Variants in SYTL4 observed in about 807,000 individuals in gnomAD.
SYTL4 encodes synaptotagmin-like protein 4.
SYTL4 carries 16 observed loss-of-function variants against 52.7 expected under a neutral mutation model. The ratio of observed to expected loss-of-function variants is 0.30; its 90% confidence interval spans 0.21 to 0.46. SYTL4 has a LOEUF of 0.46. SYTL4 is among the 20% of genes least tolerant of loss of function. The probability of loss-of-function intolerance (pLI) is 1.00; values close to 1 mark genes in which losing one functional copy is unlikely to be tolerated. For synonymous variants in SYTL4, 160 were observed against 186.6 expected (o/e 0.86, Z 1.16); for missense variants, 423 against 519.9 (o/e 0.81, Z 1.81).
rs766766031 is a variant in SYTL4 at position 100,696,130 on chromosome X, A to G, written c.539+4767T>C. On this transcript the variant is annotated intron_variant, in intron 8 of 19. Coordinates refer to ENST00000372989, the MANE Select transcript of SYTL4 (RefSeq NM_001370165.1). ...TATTTCCAGGGTTGGGCTATTACAA[A>G]TAAAGCTGCTATGAACATTCACGTA... Among the ~76,000 whole-genome samples, 3 of 112,233 alleles carry G rather than the reference A, an allele frequency of 2.7e-5. No homozygotes were observed. The Admixed American group carries it at 2.8e-4, about 11-fold the overall frequency.
At chrX:100,698,193 C>T (rs1403427626) in intron 8 of SYTL4, among the ~76,000 whole-genome samples, 1 of 110,487 alleles carries the variant, frequency 9.1e-6, no homozygotes, top group Admixed American at 9.6e-5. Flanking sequence ...AGCTCCGCCT[C>T]CCGGGTTCAC....
Position 100,687,096 on chromosome X carries a change from A to G in SYTL4, c.1155T>C (p.Tyr385=). The part of the protein sequence containing the change: ...VHVKECHQLA[Y]ADEAKKRSNP... ...TAGAGCGCTTCTTGGCTTCATCAGC[A>G]TAGGCCAGCTGATGGCACTCCTTCA... The change falls in exon 14 of 20, where the codon TAT becomes TAC. Residue 385 remains tyrosine, a synonymous_variant. Coordinates refer to ENST00000372989, the MANE Select transcript of SYTL4 (RefSeq NM_001370165.1). 8.3e-7 allele frequency: 1 copy of G among 1,211,482 alleles called. No individual in the cohort carries two copies. The highest frequency in any genetic ancestry group is 2.2e-5 in the Admixed American group (1 of 46,045).
rs755524501 is a variant in SYTL4 at position 100,676,053 on chromosome X, A to G, written c.1991T>C (p.Met664Thr). Reference sequence around the variant, plus strand: ...TCATAAACCCAGCTTCTGCTTGGCCATTGAGGAACGGAGCTGCAGAGTCCC... The same window carrying G: ...TCATAAACCCAGCTTCTGCTTGGCCGTTGAGGAACGGAGCTGCAGAGTCCC... ...AEGTLQLRSS[M>T]AKQKLGL The change falls in exon 20 of 20, where the codon ATG (methionine) becomes ACG (threonine). Residue 664 changes from methionine to threonine, a missense_variant. Met to Thr is a moderately conservative substitution (Grantham distance 81). Transcript: ENST00000372989. 7 of 1,210,167 alleles carry G rather than the reference A, an allele frequency of 5.8e-6. No homozygotes were observed. The South Asian group carries it at 1.2e-4, about 21-fold the overall frequency.
chrX:100,722,391 A>G (rs781063829), intron 2 of SYTL4, among the ~76,000 whole-genome samples: 3 of 111,623 alleles, frequency 2.7e-5, no homozygotes, highest in Admixed American at 9.5e-5. Context: ...TTCTTCAAAT[A>G]CCACAAATAT....
At chrX:100,724,838 C>T (rs1260888479) in intron 2 of SYTL4, among the ~76,000 whole-genome samples, 6 of 85,484 alleles carry the variant, frequency 7.0e-5, no homozygotes, top group Admixed American at 4.6e-4. Context: ...GCCAAATCCC[C>T]CTCTGCGAGA....
intron 12 of SYTL4, among the ~76,000 whole-genome samples, chrX:100,689,376 TA>T (rs762461988): frequency 0.019 from 1,681 of 89,065 alleles, 16 homozygotes; most frequent in African/African-American, 0.029. Flanking sequence ...TGCTGTCTCT[TA>T]AAAAAAAAAA....
At chrX:100,691,780 C>T (rs1205839486) in intron 8 of SYTL4, among the ~76,000 whole-genome samples, 2 of 111,343 alleles carry the variant, frequency 1.8e-5, no homozygotes, top group African/African-American at 3.3e-5. Flanking sequence ...CCTCGTGATC[C>T]GCCTGCCTCG....
At chrX:100,695,244 T>C (rs1439332481) in intron 8 of SYTL4, among the ~76,000 whole-genome samples, 1 of 111,837 alleles carries the variant, frequency 8.9e-6, no homozygotes, top group Non-Finnish European at 1.9e-5. Flanking sequence ...ATCTGTATGA[T>C]CTCAGGTAAA....
Position 100,725,428 on chromosome X carries a change from AT to A in SYTL4, c.-240+5989del, listed in dbSNP as rs370451283. On this transcript the variant is annotated intron_variant, in intron 2 of 19. Coordinates refer to ENST00000372989, the MANE Select transcript of SYTL4 (RefSeq NM_001370165.1). ...AGTTTCACTCTTACTGGCAATAAAG[AT>A]TTTTTTATGTTTGCTTATTAATTCA... is the stretch of plus-strand genomic sequence containing the variant. Among the ~76,000 whole-genome samples the A allele has an allele frequency of 3.9e-3, 443 of 112,397 alleles. 2 individuals carry two copies. The highest frequency in any genetic ancestry group is 0.014 in the African/African-American group (425 of 30,925).
chrX:100,705,709 A>T (rs2083942948), intron 2 of SYTL4, among the ~76,000 whole-genome samples: 1 of 111,711 alleles, frequency 9.0e-6, no homozygotes, highest in Non-Finnish European at 1.9e-5. Flanking sequence ...TAATAATGAG[A>T]CCAAGTAATA....
chrX:100,701,617 T>C lies in SYTL4; in HGVS notation c.167A>G (p.Gln56Arg). The change falls in exon 6 of 20, where the codon CAA becomes CGA. Residue 56 changes from glutamine to arginine, a missense_variant. Coordinates refer to ENST00000372989, the MANE Select transcript of SYTL4 (RefSeq NM_001370165.1). ...IKRKGAKRGS[Q>R]HYSDRTCARC... ...GGCACAGGTCCGATCACTGTAGTGT[T>C]GGCTGCCCCTCTTGGCCCCTTTCCT... The C allele has an allele frequency of 8.3e-7, 1 of 1,211,960 alleles. No individual in the cohort carries two copies. Among genetic ancestry groups the C allele is most frequent in the Non-Finnish European group, 1.1e-6 (1 of 895,587 alleles).
At chrX:100,708,106 G>T (rs2147782942) in intron 2 of SYTL4, among the ~76,000 whole-genome samples, 1 of 109,365 alleles carries the variant, frequency 9.1e-6, no homozygotes, top group South Asian at 4.2e-4. Flanking sequence ...GATAGCATTA[G>T]GAGAAATACC....
At chrX:100,695,868 G>T (rs896423799) in intron 8 of SYTL4, among the ~76,000 whole-genome samples, 3 of 111,736 alleles carry the variant, frequency 2.7e-5, no homozygotes, top group Non-Finnish European at 5.6e-5. Flanking sequence ...TGCCCTTCCT[G>T]TAAGTGTTGA....
chrX:100,683,772 T>A (rs2083425897), intron 16 of SYTL4, among the ~76,000 whole-genome samples: 1 of 112,561 alleles, frequency 8.9e-6, no homozygotes, highest in South Asian at 3.7e-4. Flanking sequence ...AAAAGTTCTG[T>A]GAACTTCAGT....
intron 9 of SYTL4, 56 bp from the exon 10 acceptor site, chrX:100,690,694 C>T: frequency 1.0e-6 from 1 of 962,476 alleles, no homozygotes; most frequent in Middle Eastern, 2.8e-4. Context: ...CCCCTTCTAC[C>T]CAGGGATCAA....
At position 100,688,432 on chromosome X, in the gene SYTL4, TTCTTCC is replaced by T; in HGVS notation, c.918_923del (p.Glu310_Glu311del). On this transcript the variant is annotated inframe_deletion, in exon 13 of 20. Coordinates refer to ENST00000372989, the MANE Select transcript of SYTL4 (RefSeq NM_001370165.1). ...CTAGGTGGTCAATGTCTTCTTCTTCTTCTTCCTCTTCCTGGAACAATAAATATAAAT... is the reference window on the plus strand; with the variant it reads ...CTAGGTGGTCAATGTCTTCTTCTTCTTCTTCCTGGAACAATAAATATAAAT... The T allele has an allele frequency of 8.3e-7, 1 of 1,203,234 alleles. No homozygotes were observed. Among genetic ancestry groups the T allele is most frequent in the South Asian group, 1.8e-5 (1 of 56,054 alleles).
chrX:100,718,799 CT>C (rs372135486), intron 2 of SYTL4, among the ~76,000 whole-genome samples: 70 of 98,083 alleles, frequency 7.1e-4, no homozygotes, highest in Non-Finnish European at 8.2e-4. Context: ...CTTTTCACTC[CT>C]TTTTTTTTTT....
intron 2 of SYTL4, among the ~76,000 whole-genome samples, chrX:100,711,596 G>A (rs747861932): frequency 9.0e-6 from 1 of 110,650 alleles, no homozygotes; most frequent in South Asian, 3.8e-4. Context: ...CATAGCAATA[G>A]AAATTATTCA....
chrX:100,679,189 A>G, intron 18 of SYTL4, 124 bp downstream of exon 18: 1 of 511,607 alleles, frequency 2.0e-6, no homozygotes, highest in Non-Finnish European at 3.2e-6. Flanking sequence ...ACCTAATTTC[A>G]GGAACAAATT....
Sources: allele counts gnomAD v4.1 joint callset (sites outside exome capture counted in the v4.1 genomes callset), GRCh38; gene constraint gnomAD v4.1.1; transcripts MANE v1.5; gene names NCBI Gene and HGNC (gene_info 2026-07-23, HGNC 2026-07-21).